Variants in TNRC6C observed in about 807,000 individuals in gnomAD.
TNRC6C encodes the protein trinucleotide repeat-containing gene 6C protein.
A neutral mutation model predicts 153.7 loss-of-function variants in TNRC6C; 20 were observed. The observed-to-expected ratio is 0.13, with a 90% CI of 0.09 to 0.19. The LOEUF is 0.19. Ranked by LOEUF, TNRC6C falls within the 10% of genes least tolerant of loss-of-function variation. TNRC6C has a pLI of 1.00. For missense variants in TNRC6C, 1,987 were observed against 2,172.0 expected, an observed-to-expected ratio of 0.91 and a Z score of 1.69; for synonymous variants, 811 against 841.4, an observed-to-expected ratio of 0.96 and a Z score of 0.63.
At chr17:78,057,276 T>G (rs2072678267) in intron 3 of TNRC6C, among the ~76,000 whole-genome samples, 1 of 152,254 alleles carries the variant, frequency 6.6e-6, no homozygotes, top group African/African-American at 2.4e-5. Flanking sequence ...CCTGTGATGT[T>G]TAACTCTCAG....
chr17:78,014,820 A>C (rs1252709949), intron 1 of TNRC6C, among the ~76,000 whole-genome samples: 2 of 151,772 alleles, frequency 1.3e-5, no homozygotes, highest in Non-Finnish European at 2.9e-5. Context: ...ATCAGCCAGA[A>C]GCATCCACTG....
chr17:77,989,116 G>A (rs911925884), intron 1 of TNRC6C, among the ~76,000 whole-genome samples: 1 of 152,160 alleles, frequency 6.6e-6, no homozygotes, highest in African/African-American at 2.4e-5. Flanking sequence ...GGCTTAAAGT[G>A]GCAGTTCTGA....
intron 1 of TNRC6C, among the ~76,000 whole-genome samples, chr17:77,991,817 G>A (rs958180386): frequency 6.6e-6 from 1 of 152,170 alleles, no homozygotes; most frequent in East Asian, 1.9e-4. Flanking sequence ...CTTTTGGACC[G>A]CAGTGAAGAA....
At chr17:77,988,140 C>T (rs1447084950) in intron 1 of TNRC6C, among the ~76,000 whole-genome samples, 3 of 152,054 alleles carry the variant, frequency 2.0e-5, no homozygotes, top group African/African-American at 7.2e-5. Flanking sequence ...TTGCTTTAGG[C>T]CAGAAGTTTG....
In TNRC6C at chr17:78,084,839, GGCT is replaced by G. The variant is rs780727036; in HGVS notation, c.3478-1659_3478-1657del. ...AGACAGGGTTTCACCATGTTGGTCA[GGCT>G]GCTGGTCTCCAACTCCTTACCTCAG... On this transcript the variant is annotated intron_variant, in intron 11 of 19. Transcript: ENST00000301624. Among the ~76,000 whole-genome samples the G allele has an allele frequency of 2.3e-4, 35 of 152,128 alleles. 3 individuals carry two copies. Among genetic ancestry groups the G allele is most frequent in the African/African-American group, 8.4e-4 (35 of 41,512 alleles).
chr17:78,071,159 C>T (rs370182394), exon 6 of TNRC6C: 22 of 1,602,342 alleles, frequency 1.4e-5, no homozygotes, highest in Non-Finnish European at 1.8e-5. Context: ...CAGACATGGG[C>T]TTCCCGGTAA....
intron 1 of TNRC6C, among the ~76,000 whole-genome samples, chr17:77,969,065 T>C (rs80115876): frequency 1.3e-3 from 200 of 152,306 alleles, no homozygotes; most frequent in African/African-American, 4.7e-3. Flanking sequence ...TGGCAGTTTA[T>C]TGAGTGCCTA....
intron 1 of TNRC6C, among the ~76,000 whole-genome samples, chr17:77,981,732 T>C (rs1459430806): frequency 6.6e-6 from 1 of 152,222 alleles, no homozygotes; most frequent in Non-Finnish European, 1.5e-5. Flanking sequence ...CCACCTATTT[T>C]AGTAAATAAT....
chr17:78,034,873 G>T (rs2072148851), intron 2 of TNRC6C, among the ~76,000 whole-genome samples: 1 of 152,172 alleles, frequency 6.6e-6, no homozygotes, highest in South Asian at 2.1e-4. Context: ...AGAGGCTGAG[G>T]TGGGACAATC....
intron 16 of TNRC6C, among the ~76,000 whole-genome samples, chr17:78,096,938 C>T (rs910141060): frequency 1.3e-5 from 2 of 152,222 alleles, no homozygotes; most frequent in Admixed American, 1.3e-4. Flanking sequence ...TCCTAAGTCT[C>T]CCTTTCAGGC....
intron 1 of TNRC6C, among the ~76,000 whole-genome samples, chr17:77,983,195 G>C (rs770468757): frequency 1.3e-5 from 2 of 152,150 alleles, no homozygotes; most frequent in African/African-American, 2.4e-5. Context: ...TAGAATTTCT[G>C]CTTCCCATTC....
chr17:78,006,483 TTCTTCTTCTTTCTTCTTCTTCTTCTTC>T (rs1275081017), intron 1 of TNRC6C, among the ~76,000 whole-genome samples: 5 of 146,746 alleles, frequency 3.4e-5, no homozygotes, highest in Non-Finnish European at 7.4e-5. Flanking sequence ...TTTCTTCTTC[TTCTTCTTCTTTCTTCTTCTTCTTCTTC>T]TTCTTCTTCT....
Position 78,104,385 on chromosome 17 carries a change from G to A in TNRC6C, c.4713-100G>A. On this transcript the variant is annotated intron_variant, in intron 19 of 19. Transcript: ENST00000301624. This position sits in a 1 kb window ranked among gnomAD's most constrained non-coding sequence, Gnocchi z 6.2. Reference sequence around the variant, plus strand: ...GTGGCAAAACAGAAGCCACAGGATGGCTTCCATGTGGGGCCGTTCCCAATA... The same window carrying A: ...GTGGCAAAACAGAAGCCACAGGATGACTTCCATGTGGGGCCGTTCCCAATA... 7.2e-7 allele frequency: 1 copy of A among 1,395,002 alleles called. No homozygotes were observed. The highest frequency in any genetic ancestry group is 9.3e-7 in the Non-Finnish European group (1 of 1,071,966). 86.4% of individuals were successfully genotyped at this position (1,395,002 alleles called of 1,614,324 possible). A position where few individuals can be genotyped will look rare whatever the true frequency, so the allele number is the denominator to read the frequency against.
At chr17:78,058,804 A>C (rs761121550) in intron 3 of TNRC6C, among the ~76,000 whole-genome samples, 1 of 152,216 alleles carries the variant, frequency 6.6e-6, no homozygotes, top group Non-Finnish European at 1.5e-5. Context: ...GTGGGCTCCT[A>C]CAAGTCGGCA....
At chr17:78,031,426 C>T in intron 1 of TNRC6C, 90 bp from the exon 4 acceptor site, 1 of 983,290 alleles carries the variant, frequency 1.0e-6, no homozygotes, top group Non-Finnish European at 1.3e-6. Context: ...CATTTTTTCT[C>T]AGTTTTTGGT....
At chr17:78,050,233 T>G in exon 3 of TNRC6C, 1 of 1,538,958 alleles carries the variant, frequency 6.5e-7, no homozygotes, top group Non-Finnish European at 8.7e-7. Flanking sequence ...AGCGGCATCT[T>G]CTGGAACTAC....
At chr17:78,071,204 C>G (rs2311440) in intron 6 of TNRC6C, 39 bp downstream of exon 8, 123,344 of 1,558,904 alleles carry the variant, frequency 0.079, 5,677 homozygotes, top group East Asian at 0.19. Flanking sequence ...CACCATGCTT[C>G]CCAAAATGAA....
intron 1 of TNRC6C, among the ~76,000 whole-genome samples, chr17:77,992,221 C>T (rs562955706): frequency 0.013 from 721 of 57,672 alleles, 192 homozygotes; most frequent in Non-Finnish European, 0.017. Flanking sequence ...CAAAACCGGC[C>T]GGGCGCGGTG....
At position 78,090,111 on chromosome 17, in the gene TNRC6C, G is replaced by A. The variant is rs571652627; in HGVS notation, c.3803-1329G>A. ...GTGGCACTGATGGGCTTGCAAAGGC[G>A]TTTTGTTAGGTCTGCGAAGTGTGTG... On this transcript the variant is annotated intron_variant, in intron 13 of 19. Coordinates refer to ENST00000301624, the Ensembl canonical transcript of TNRC6C. Among the ~76,000 whole-genome samples the A allele has an allele frequency of 2.6e-5, 4 of 152,350 alleles. No homozygotes were observed. The South Asian group carries it at 6.2e-4, about 24-fold the overall frequency.
Sources: allele counts gnomAD v4.1 joint callset (sites outside exome capture counted in the v4.1 genomes callset), GRCh38; gene constraint gnomAD v4.1.1; non-coding constraint Gnocchi (gnomAD v3.1); transcripts MANE v1.5; gene names NCBI Gene and HGNC (gene_info 2026-07-23, HGNC 2026-07-21).